COL21A1: variants seen among roughly 807,000 people sequenced by gnomAD.
COL21A1 encodes collagen type XXI alpha 1 chain, also known as collagen alpha-1(XXI) chain.
In COL21A1, 149 loss-of-function variants were observed where a neutral mutation model predicts 137.9. The ratio of observed to expected loss-of-function variants is 1.08; its 90% confidence interval spans 0.95 to 1.24. COL21A1 has a LOEUF of 1.24. COL21A1 is among the 50% of genes most tolerant of loss of function. The probability of loss-of-function intolerance (pLI) is 0.00; values close to 1 mark genes in which losing one functional copy is unlikely to be tolerated. For synonymous variants in COL21A1, 456 were observed against 391.5 expected, an observed-to-expected ratio of 1.16 and a Z score of -1.95; for missense variants, 1,167 against 1,158.4, an observed-to-expected ratio of 1.01 and a Z score of -0.11.
At chr6:56,208,096 T>C (rs1013831720) in intron 1 of COL21A1, among the ~76,000 whole-genome samples, 8 of 152,110 alleles carry the variant, frequency 5.3e-5, no homozygotes, top group Non-Finnish European at 1.0e-4. Flanking sequence ...GGGCAAAAAC[T>C]GGAAGCACTC....
intron 24 of COL21A1, 65 bp downstream of exon 24, chr6:56,064,513 T>C (rs913970364): frequency 4.6e-6 from 5 of 1,094,336 alleles, no homozygotes; most frequent in South Asian, 1.4e-5. Context: ...AGTAATCCTC[T>C]CTCAGCATTG....
chr6:56,127,749 G>A (rs1408526299), intron 12 of COL21A1, among the ~76,000 whole-genome samples: 1 of 152,174 alleles, frequency 6.6e-6, no homozygotes, highest in Non-Finnish European at 1.5e-5. Context: ...TTTGTTTCTT[G>A]TGTGTTTTTT....
rs1230770930 is a variant in COL21A1 at position 56,392,580 on chromosome 6, T to C, written c.-39+1391A>G. 2.0e-5 allele frequency among the ~76,000 whole-genome samples: 3 copies of C among 152,132 alleles called. No individual in the cohort carries two copies. The South Asian group carries it at 6.2e-4, about 32-fold the overall frequency. ...TCCGTATTTGCAGATAATATGATCTTATATTTGGAAAACCCTAAAGATGAC... is the reference window on the plus strand; with the variant it reads ...TCCGTATTTGCAGATAATATGATCTCATATTTGGAAAACCCTAAAGATGAC... On this transcript the variant is annotated intron_variant, in intron 1 of 28. Coordinates refer to the COL21A1 transcript ENST00000370819.
At chr6:56,063,274 A>C (rs1582218971) in intron 24 of COL21A1, among the ~76,000 whole-genome samples, 1 of 152,282 alleles carries the variant, frequency 6.6e-6, no homozygotes, top group South Asian at 2.1e-4. Flanking sequence ...CTAAGTTGTG[A>C]GTTCAAATTC....
At chr6:56,315,265 G>A (rs1316433868) in intron 1 of COL21A1, among the ~76,000 whole-genome samples, 1 of 152,170 alleles carries the variant, frequency 6.6e-6, no homozygotes. Context: ...TGCCCCTCGG[G>A]CCTACATGCC....
intron 1 of COL21A1, among the ~76,000 whole-genome samples, chr6:56,283,610 T>C (rs1465279188): frequency 1.3e-5 from 2 of 152,172 alleles, no homozygotes; most frequent in Non-Finnish European, 2.9e-5. Flanking sequence ...ATTTCTGTAA[T>C]TGGTGCTCAG....
At chr6:56,129,701 A>T (rs2764047) in intron 12 of COL21A1, among the ~76,000 whole-genome samples, 4,794 of 46,224 alleles carry the variant, frequency 0.1, 158 homozygotes, top group African/African-American at 0.27. Context: ...TGTGTGTGTG[A>T]GAGAGAGAGA....
At chr6:56,155,593 A>T (rs960933089) in intron 10 of COL21A1, among the ~76,000 whole-genome samples, 1 of 152,180 alleles carries the variant, frequency 6.6e-6, no homozygotes, top group African/African-American at 2.4e-5. Context: ...ACATTCAAAC[A>T]TTCAAAAGCT....
intron 16 of COL21A1, among the ~76,000 whole-genome samples, chr6:56,110,255 CT>C (rs35299623): frequency 0.47 from 56,537 of 121,408 alleles, 8,584 homozygotes; most frequent in East Asian, 0.65. Context: ...GCAGAAAAAG[CT>C]TTTTTTTTTT....
chr6:56,158,266 C>CTTTTTT (rs67453245), intron 9 of COL21A1, among the ~76,000 whole-genome samples: 28 of 62,406 alleles, frequency 4.5e-4, no homozygotes, highest in South Asian at 7.8e-4. Flanking sequence ...TTTTTTTTTT[C>CTTTTTT]TTTTTTTTTT....
At chr6:56,137,011 C>G (rs1237571382) in intron 12 of COL21A1, among the ~76,000 whole-genome samples, 1 of 152,066 alleles carries the variant, frequency 6.6e-6, no homozygotes, top group Non-Finnish European at 1.5e-5. Context: ...ACAAGTCACA[C>G]AGTGAAAAAC....
upstream of COL21A1, among the ~76,000 whole-genome samples, chr6:56,248,848 T>C (rs201271665): frequency 2.3e-5 from 2 of 88,260 alleles, no homozygotes; most frequent in African/African-American, 6.9e-5. Flanking sequence ...TGGTAACATC[T>C]TCTTAGATAT....
chr6:56,143,992 GA>G (rs1452718142), intron 10 of COL21A1, among the ~76,000 whole-genome samples: 2 of 152,102 alleles, frequency 1.3e-5, no homozygotes, highest in South Asian at 4.1e-4. Flanking sequence ...CTGTTCTCAG[GA>G]TTACTCAAAA....
chr6:56,386,106 G>A (rs888039010), intron 1 of COL21A1, among the ~76,000 whole-genome samples: 3 of 151,962 alleles, frequency 2.0e-5, no homozygotes, highest in South Asian at 2.1e-4. Context: ...TTGCCACCAC[G>A]CCCAGCTAAT....
At chr6:56,287,950 A>T (rs1343667610) in intron 1 of COL21A1, among the ~76,000 whole-genome samples, 1 of 152,148 alleles carries the variant, frequency 6.6e-6, no homozygotes, top group Non-Finnish European at 1.5e-5. Context: ...TCTAGAAACT[A>T]AACAAGGCAA....
chr6:56,338,291 C>T (rs183817555), intron 1 of COL21A1, among the ~76,000 whole-genome samples: 7 of 152,076 alleles, frequency 4.6e-5, no homozygotes, highest in South Asian at 2.1e-4. Flanking sequence ...TCTCTTCCAG[C>T]GCTTTGGAGA....
At chr6:56,212,897 T>G (rs1780260832) in intron 1 of COL21A1, among the ~76,000 whole-genome samples, 1 of 152,088 alleles carries the variant, frequency 6.6e-6, no homozygotes, top group Non-Finnish European at 1.5e-5. Context: ...AATAGGTACC[T>G]ATGCTGCAAA....
At position 56,386,105 on chromosome 6, in the gene COL21A1, C is replaced by T. The variant is rs534187164; in HGVS notation, c.-39+7866G>A. On this transcript the variant is annotated intron_variant, in intron 1 of 28. Transcript: ENST00000370819. Reference sequence around the variant, plus strand: ...CTGGGATTACAGGCGCTTGCCACCACGCCCAGCTAATTTATGTATTTTTAG... The same window carrying T: ...CTGGGATTACAGGCGCTTGCCACCATGCCCAGCTAATTTATGTATTTTTAG... 3.4e-4 allele frequency among the ~76,000 whole-genome samples: 52 copies of T among 152,224 alleles called. No individual in the cohort carries two copies. The South Asian group carries it at 6.8e-3, about 20-fold the overall frequency.
chr6:56,075,635 A>T (rs1291146746), intron 18 of COL21A1, 103 bp from the exon 19 acceptor site: 3 of 813,858 alleles, frequency 3.7e-6, no homozygotes, highest in Non-Finnish European at 5.6e-6. Context: ...AATATCAATC[A>T]GTTCACCTTT....
Sources: gnomAD v4.1 joint callset for allele counts (sites outside exome capture counted in the v4.1 genomes callset) on GRCh38, gnomAD v4.1.1 for gene constraint, MANE v1.5 for transcripts, NCBI Gene and HGNC (gene_info 2026-07-23, HGNC 2026-07-21) for gene names.